SOX5: variants seen among roughly 807,000 people sequenced by gnomAD.
SOX5 encodes transcription factor SOX-5.
SOX5 carries 9 observed loss-of-function variants against 92.0 expected under a neutral mutation model. That is an observed-to-expected ratio of 0.10 (90% CI 0.06 to 0.17). The LOEUF is 0.17. Among genes scored for constraint, SOX5 ranks in the 10% least tolerant of loss-of-function variants. The pLI is 1.00. For synonymous variants in SOX5, 344 were observed against 336.3 expected (o/e 1.02, Z -0.25); for missense variants, 642 against 944.5 (o/e 0.68, Z 4.20).
intron 2 of SOX5, among the ~76,000 whole-genome samples, chr12:24,345,131 G>A (rs112463680): frequency 8.5e-4 from 130 of 152,260 alleles, no homozygotes; most frequent in African/African-American, 2.9e-3. Context: ...GTAAGAGAAC[G>A]TCACAGGTGA....
chr12:23,588,564 A>G (rs1185474728), intron 9 of SOX5, among the ~76,000 whole-genome samples: 1 of 152,044 alleles, frequency 6.6e-6, no homozygotes, highest in Non-Finnish European at 1.5e-5. Context: ...TAATGACATC[A>G]TTACCCAAGA....
chr12:23,820,150 T>C (rs1050980082), intron 3 of SOX5, among the ~76,000 whole-genome samples: 3 of 152,242 alleles, frequency 2.0e-5, no homozygotes, highest in Admixed American at 1.3e-4. Flanking sequence ...TATCTCATTG[T>C]GGTTTTGATT....
intron 1 of SOX5, among the ~76,000 whole-genome samples, chr12:24,528,298 G>C (rs1273280703): frequency 6.6e-6 from 1 of 152,074 alleles, no homozygotes; most frequent in African/African-American, 2.4e-5. Context: ...AATATAAACA[G>C]GAATTTTTTT....
intron 4 of SOX5, among the ~76,000 whole-genome samples, chr12:23,978,551 G>A (rs1488396175): frequency 6.6e-6 from 1 of 152,158 alleles, no homozygotes; most frequent in Non-Finnish European, 1.5e-5. Flanking sequence ...TCATTATGCA[G>A]TCCTTCGTCA....
intron 1 of SOX5, among the ~76,000 whole-genome samples, chr12:24,438,105 A>G (rs1939797997): frequency 6.6e-6 from 1 of 152,228 alleles, no homozygotes; most frequent in African/African-American, 2.4e-5. Flanking sequence ...TGCAGCCATA[A>G]GAAAGGATGA....
intron 1 of SOX5, among the ~76,000 whole-genome samples, chr12:24,403,564 C>T (rs1253266556): frequency 1.3e-5 from 2 of 152,062 alleles, no homozygotes; most frequent in Non-Finnish European, 2.9e-5. Context: ...TTTTACAATG[C>T]GAAATTCAAT....
At chr12:24,279,468 T>C (rs1473929682) in intron 2 of SOX5, among the ~76,000 whole-genome samples, 1 of 152,154 alleles carries the variant, frequency 6.6e-6, no homozygotes, top group Non-Finnish European at 1.5e-5. Flanking sequence ...ATTTTCTATG[T>C]ATTTATAGAA....
At chr12:23,924,689 AG>A (rs375842141) in intron 1 of SOX5, among the ~76,000 whole-genome samples, 1 of 152,246 alleles carries the variant, frequency 6.6e-6, no homozygotes, top group African/African-American at 2.4e-5. Flanking sequence ...TTTTGAAAAA[AG>A]ATCACAGGAA....
At chr12:24,076,241 C>A (rs888069136) in intron 4 of SOX5, among the ~76,000 whole-genome samples, 11 of 152,088 alleles carry the variant, frequency 7.2e-5, no homozygotes, top group African/African-American at 2.7e-4. Context: ...AACAACTTTT[C>A]TGGAGACGGA....
chr12:23,726,276 A>G (rs1173625007), intron 6 of SOX5, among the ~76,000 whole-genome samples: 1 of 152,298 alleles, frequency 6.6e-6, no homozygotes, highest in African/African-American at 2.4e-5. Context: ...CAAATTTGCC[A>G]TATGTTAGAG....
intron 1 of SOX5, among the ~76,000 whole-genome samples, chr12:24,485,648 T>C (rs1452666416): frequency 6.6e-6 from 1 of 152,112 alleles, no homozygotes; most frequent in East Asian, 1.9e-4. Flanking sequence ...TAGAAATAAA[T>C]GTCTGGTATC....
chr12:23,660,704 T>TAA (rs34663379), intron 7 of SOX5, among the ~76,000 whole-genome samples: 49 of 148,776 alleles, frequency 3.3e-4, no homozygotes, highest in East Asian at 9.9e-4. Context: ...ACTTCCAGGT[T>TAA]AAAAAAAAAA....
chr12:24,493,693 T>C (rs1484256033), intron 1 of SOX5, among the ~76,000 whole-genome samples: 1 of 151,958 alleles, frequency 6.6e-6, no homozygotes, highest in Non-Finnish European at 1.5e-5. Flanking sequence ...TGAAACCCCG[T>C]CTCTACTAAA....
intron 4 of SOX5, among the ~76,000 whole-genome samples, chr12:24,061,117 C>T (rs1355678710): frequency 8.8e-5 from 13 of 148,164 alleles, no homozygotes; most frequent in Non-Finnish European, 1.1e-4. Flanking sequence ...TTTCCTCCTC[C>T]TTTTTTTTTT....
At chr12:23,983,124 G>A (rs1335429940) in intron 4 of SOX5, among the ~76,000 whole-genome samples, 42 of 139,654 alleles carry the variant, frequency 3.0e-4, no homozygotes, top group Non-Finnish European at 1.4e-4. Flanking sequence ...TTTTTTTTAA[G>A]TAAGCCCTGA....
chr12:23,831,957 T>TACACACACACACAC (rs61053165), intron 3 of SOX5, among the ~76,000 whole-genome samples: 16,102 of 142,644 alleles, frequency 0.11, 1,068 homozygotes, highest in East Asian at 0.22. Flanking sequence ...AAAGGGGAAC[T>TACACACACACACAC]ACACACACAC....
intron 3 of SOX5, among the ~76,000 whole-genome samples, chr12:23,797,839 A>G (rs972688424): frequency 4.0e-5 from 6 of 151,872 alleles, no homozygotes; most frequent in African/African-American, 1.5e-4. Context: ...ACCTCTCTCA[A>G]CTTACTACCT....
At chr12:23,981,825 T>C (rs1054443886) in intron 4 of SOX5, among the ~76,000 whole-genome samples, 1 of 152,212 alleles carries the variant, frequency 6.6e-6, no homozygotes, top group African/African-American at 2.4e-5. Context: ...TTCTTTCTAA[T>C]TCATAAAACA....
chr12:24,331,835 A>G lies in SOX5; in HGVS notation c.-174+36728T>C, dbSNP rs555528483. On this transcript the variant is annotated intron_variant, in intron 2 of 4. Transcript: ENST00000446891. ...TGCACTCCAACCAGCCTGGGAACAG[A>G]GCAAGACTGTCTCAAAAAAAAAAAA... 9.1e-5 allele frequency among the ~76,000 whole-genome samples: 12 copies of G among 131,856 alleles called. No individual in the cohort carries two copies. The East Asian group carries it at 2.0e-3, about 22-fold the overall frequency. The allele number at this position is 131,856 out of a possible 152,430, so 86.5% of individuals were successfully genotyped here. A position where few individuals can be genotyped will look rare whatever the true frequency, so the allele number is the denominator to read the frequency against.
Sources: allele counts gnomAD v4.1 joint callset (sites outside exome capture counted in the v4.1 genomes callset), GRCh38; gene constraint gnomAD v4.1.1; transcripts MANE v1.5; gene names NCBI Gene and HGNC (gene_info 2026-07-23, HGNC 2026-07-21).